Variants in SPOCK3 observed in about 807,000 individuals in gnomAD.
SPOCK3 encodes the protein testican-3.
In SPOCK3, 30 loss-of-function variants were observed where a neutral mutation model predicts 56.6. The ratio of observed to expected loss-of-function variants is 0.53; its 90% confidence interval spans 0.40 to 0.72. The LOEUF is 0.72. Ranked by LOEUF, SPOCK3 falls within the 30% of genes least tolerant of loss-of-function variation. The pLI, the probability that SPOCK3 is intolerant of heterozygous loss-of-function variation, is 0.00. For missense variants in SPOCK3, 527 were observed against 530.0 expected, an observed-to-expected ratio of 0.99 and a Z score of 0.06; for synonymous variants, 196 against 183.3, an observed-to-expected ratio of 1.07 and a Z score of -0.56.
intron 8 of SPOCK3, among the ~76,000 whole-genome samples, chr4:166,748,617 A>G (rs1311404966): frequency 2.2e-5 from 3 of 137,146 alleles, no homozygotes; most frequent in Non-Finnish European, 4.6e-5. Context: ...AATGGCAACA[A>G]AAGCCAAAAT....
At chr4:167,125,592 T>C (rs1762207836) in intron 2 of SPOCK3, among the ~76,000 whole-genome samples, 1 of 143,342 alleles carries the variant, frequency 7.0e-6, no homozygotes. Flanking sequence ...CGGGCGCCTG[T>C]AGTCCCAAGC....
chr4:166,755,495 T>C (rs1357099176), intron 7 of SPOCK3, among the ~76,000 whole-genome samples: 1 of 152,150 alleles, frequency 6.6e-6, no homozygotes, highest in African/African-American at 2.4e-5. Flanking sequence ...TGTCAGTGTT[T>C]TGAACTATTT....
chr4:166,874,534 A>G (rs1732878857), intron 6 of SPOCK3, among the ~76,000 whole-genome samples: 1 of 152,176 alleles, frequency 6.6e-6, no homozygotes. Context: ...TACTTTACCT[A>G]CATTGTAGAA....
intron 2 of SPOCK3, among the ~76,000 whole-genome samples, chr4:167,189,803 C>T (rs1023298338): frequency 6.9e-6 from 1 of 145,620 alleles, no homozygotes; most frequent in Non-Finnish European, 1.5e-5. Context: ...CTAGTCTCTG[C>T]CAAATGCTGT....
chr4:166,919,823 AT>A (rs1280272052), intron 4 of SPOCK3, among the ~76,000 whole-genome samples: 6 of 152,148 alleles, frequency 3.9e-5, no homozygotes, highest in African/African-American at 1.4e-4. Context: ...ATTAAAAGCT[AT>A]GTATAGTTAT....
chr4:167,006,723 G>C (rs1561111620), intron 3 of SPOCK3, among the ~76,000 whole-genome samples: 3 of 151,972 alleles, frequency 2.0e-5, no homozygotes, highest in African/African-American at 7.3e-5. Flanking sequence ...TATTTGATCT[G>C]TTCATTAATT....
chr4:167,184,273 G>T (rs1731762469), intron 2 of SPOCK3, among the ~76,000 whole-genome samples: 1 of 152,122 alleles, frequency 6.6e-6, no homozygotes, highest in African/African-American at 2.4e-5. Flanking sequence ...TCAAGAAACA[G>T]CCAATTCAGT....
At chr4:166,871,550 T>G (rs2126946804) in intron 6 of SPOCK3, among the ~76,000 whole-genome samples, 1 of 152,166 alleles carries the variant, frequency 6.6e-6, no homozygotes, top group African/African-American at 2.4e-5. Context: ...TTGTAAAAAT[T>G]GAACACTTGG....
At chr4:167,100,234 A>G (rs1439491100) in intron 2 of SPOCK3, among the ~76,000 whole-genome samples, 7 of 152,148 alleles carry the variant, frequency 4.6e-5, no homozygotes, top group African/African-American at 1.7e-4. Flanking sequence ...ATAGGCAGCT[A>G]TTGTTAGACG....
At chr4:167,042,566 G>A (rs568763993) in intron 3 of SPOCK3, among the ~76,000 whole-genome samples, 1 of 152,148 alleles carries the variant, frequency 6.6e-6, no homozygotes, top group Non-Finnish European at 1.5e-5. Context: ...AGACTGATCA[G>A]AAAACTCTGA....
chr4:166,819,776 T>C (rs1174768095), intron 6 of SPOCK3, among the ~76,000 whole-genome samples: 1 of 151,928 alleles, frequency 6.6e-6, no homozygotes, highest in East Asian at 1.9e-4. Context: ...AAGGTCTTAC[T>C]GTGTCACTCA....
At chr4:166,820,522 A>G (rs1744821546) in intron 6 of SPOCK3, among the ~76,000 whole-genome samples, 1 of 152,068 alleles carries the variant, frequency 6.6e-6, no homozygotes, top group Non-Finnish European at 1.5e-5. Context: ...CAACTCTCAT[A>G]CCAAACATTA....
At chr4:167,001,491 G>T (rs1486481998) in intron 3 of SPOCK3, among the ~76,000 whole-genome samples, 4 of 152,080 alleles carry the variant, frequency 2.6e-5, no homozygotes, top group African/African-American at 9.7e-5. Context: ...TGAATATTAT[G>T]CCATTTTACA....
At chr4:166,852,929 A>C (rs2126879482) in intron 6 of SPOCK3, among the ~76,000 whole-genome samples, 1 of 152,330 alleles carries the variant, frequency 6.6e-6, no homozygotes, top group African/African-American at 2.4e-5. Flanking sequence ...TGAGAAAAGA[A>C]GTATATGAAC....
intron 6 of SPOCK3, among the ~76,000 whole-genome samples, chr4:166,842,342 A>T (rs1406412066): frequency 6.6e-6 from 1 of 152,152 alleles, no homozygotes; most frequent in African/African-American, 2.4e-5. Flanking sequence ...GGTCCATTTT[A>T]CAGAGAGCTG....
chr4:166,871,229 C>T (rs187125714), intron 6 of SPOCK3, among the ~76,000 whole-genome samples: 60 of 151,912 alleles, frequency 3.9e-4, no homozygotes, highest in Admixed American at 3.8e-3. Context: ...GTCAATGTAA[C>T]TAAAACAATA....
At position 166,754,022 on chromosome 4, in the gene SPOCK3, G is replaced by T; in HGVS notation, c.931+486C>A. On this transcript the variant is annotated intron_variant, in intron 8 of 10. Transcript: ENST00000357545. The stretch of plus-strand genomic sequence containing the variant: ...TATAAAAGGTAAGCTATTTTGAAAA[G>T]TTTGAAAGACTAAATCATTTTAAAA... 3.6e-6 allele frequency: 3 copies of T among 839,626 alleles called. No homozygotes were observed. The South Asian group carries it at 1.7e-4, about 46-fold the overall frequency. 52.0% of individuals were successfully genotyped at this position (839,626 alleles called of 1,614,324 possible). A position where few individuals can be genotyped will look rare whatever the true frequency, so the allele number is the denominator to read the frequency against.
At chr4:167,169,193 T>A (rs140558536) in intron 2 of SPOCK3, among the ~76,000 whole-genome samples, 1 of 152,314 alleles carries the variant, frequency 6.6e-6, no homozygotes, top group East Asian at 1.9e-4. Context: ...ACTGGGGCAC[T>A]GCCTAGTGCA....
At position 166,754,319 on chromosome 4, in the gene SPOCK3, A is replaced by G. The variant is rs551179880; in HGVS notation, c.931+189T>C. The G allele has an allele frequency of 4.4e-5, 58 of 1,323,488 alleles. 1 individual carries two copies. The South Asian group carries it at 1.1e-3, about 26-fold the overall frequency. 82.0% of individuals were successfully genotyped at this position (1,323,488 alleles called of 1,614,324 possible). On this transcript the variant is annotated intron_variant, in intron 8 of 10. Coordinates refer to ENST00000357545, the MANE Select transcript of SPOCK3 (RefSeq NM_001040159.2). ...TTAATTACTATTTTTCATCTTATTT[A>G]GCATGTGTTGTATCTCTGGCAGAGT...
Sources: allele counts gnomAD v4.1 joint callset (sites outside exome capture counted in the v4.1 genomes callset), GRCh38; gene constraint gnomAD v4.1.1; transcripts MANE v1.5; gene names NCBI Gene and HGNC (gene_info 2026-07-23, HGNC 2026-07-21).